The following SMAP1 variants were observed in gnomAD, a reference collection of about 807,000 sequenced individuals.
The protein encoded by SMAP1 is stromal membrane-associated protein 1.
In SMAP1, 24 loss-of-function variants were observed where a neutral mutation model predicts 58.5. The ratio of observed to expected loss-of-function variants is 0.41; its 90% CI spans 0.30 to 0.58. The LOEUF is 0.58. SMAP1 is among the 20% of genes least tolerant of loss of function. The probability of loss-of-function intolerance (pLI) is 0.29; values close to 1 mark genes in which losing one functional copy is unlikely to be tolerated. For synonymous variants in SMAP1, 216 were observed against 196.6 expected, an observed-to-expected ratio of 1.10 and a Z score of -0.82; for missense variants, 563 against 566.3, an observed-to-expected ratio of 0.99 and a Z score of 0.06.
intron 6 of SMAP1, among the ~76,000 whole-genome samples, chr6:70,817,868 T>G (rs889304385): frequency 6.6e-6 from 1 of 152,184 alleles, no homozygotes; most frequent in African/African-American, 2.4e-5. Flanking sequence ...AAATTGAGAA[T>G]TGTCTTTGAA....
chr6:70,784,822 A>G (rs1378285762), intron 4 of SMAP1, among the ~76,000 whole-genome samples: 1 of 152,216 alleles, frequency 6.6e-6, no homozygotes, highest in African/African-American at 2.4e-5. Context: ...AGTGACCTAC[A>G]TAAAGACTTA....
At chr6:70,770,585 G>C (rs1035846338) in intron 3 of SMAP1, among the ~76,000 whole-genome samples, 1 of 152,068 alleles carries the variant, frequency 6.6e-6, no homozygotes, top group Admixed American at 6.5e-5. Context: ...CTCGAGCCTT[G>C]GCTTTCAGCT....
intron 4 of SMAP1, among the ~76,000 whole-genome samples, chr6:70,777,478 G>T (rs1767594590): frequency 6.6e-6 from 1 of 152,068 alleles, no homozygotes; most frequent in South Asian, 2.1e-4. Context: ...CTGTCGAGTT[G>T]TTCGAGTTCC....
intron 2 of SMAP1, among the ~76,000 whole-genome samples, chr6:70,741,770 T>G (rs1765822723): frequency 6.6e-6 from 1 of 152,218 alleles, no homozygotes; most frequent in Non-Finnish European, 1.5e-5. Flanking sequence ...GCCCCACCCC[T>G]GCAACAAACT....
chr6:70,718,087 G>GT (rs571499604), intron 1 of SMAP1, among the ~76,000 whole-genome samples: 3,575 of 150,916 alleles, frequency 0.024, 51 homozygotes, highest in Non-Finnish European at 0.037. Context: ...TTTTTTTGGT[G>GT]TTTTTTTTTC....
At chr6:70,795,640 A>G (rs1415473120) in intron 5 of SMAP1, among the ~76,000 whole-genome samples, 1 of 152,198 alleles carries the variant, frequency 6.6e-6, no homozygotes, top group East Asian at 1.9e-4. Flanking sequence ...TTAGGTTTTA[A>G]CATGTGAATT....
chr6:70,672,119 G>A (rs1766291805), intron 1 of SMAP1, among the ~76,000 whole-genome samples: 1 of 152,224 alleles, frequency 6.6e-6, no homozygotes, highest in Non-Finnish European at 1.5e-5. Context: ...AGGTAAGAGA[G>A]CTAAAAAAAT....
rs540846610 is a variant in SMAP1, at chr6:70,746,799, T to A, written c.253-8181T>A. Among the ~76,000 whole-genome samples, 298 of 152,260 alleles carry A rather than the reference T, an allele frequency of 2.0e-3. 5 individuals carry two copies. Among genetic ancestry groups the A allele is most frequent in the Non-Finnish European group, 9.1e-4 (62 of 68,022 alleles). Reference sequence around the variant, plus strand: ...AGAATTTAGCTGTGAATCCATCTGGTCCTGGATTTTTTTTGGTTGATAGGC... The same window carrying A: ...AGAATTTAGCTGTGAATCCATCTGGACCTGGATTTTTTTTGGTTGATAGGC... On this transcript the variant is annotated intron_variant, in intron 2 of 10. Transcript: ENST00000370455.
At chr6:70,705,398 C>G (rs1349119698) in intron 1 of SMAP1, among the ~76,000 whole-genome samples, 1 of 151,886 alleles carries the variant, frequency 6.6e-6, no homozygotes, top group Non-Finnish European at 1.5e-5. Context: ...ATTACAGGCG[C>G]CTGCCACCAT....
At position 70,764,209 on chromosome 6, in the gene SMAP1, GC is replaced by G. The variant is rs527656254; in HGVS notation, c.339-9139del. ...TTACACATATGAGCCACTGTTCCCA[GC>G]CTGGTTCATGAAGTTTAAGAAAAGA... On this transcript the variant is annotated intron_variant, in intron 3 of 10. Coordinates refer to ENST00000370455, the MANE Select transcript of SMAP1 (RefSeq NM_001044305.3). Among the ~76,000 whole-genome samples, 8 of 151,932 alleles carry G rather than the reference GC, an allele frequency of 5.3e-5. No homozygotes were observed. The East Asian group carries it at 1.5e-3, about 29-fold the overall frequency.
intron 1 of SMAP1, among the ~76,000 whole-genome samples, chr6:70,709,386 T>C (rs1022448724): frequency 1.3e-5 from 2 of 152,174 alleles, no homozygotes; most frequent in African/African-American, 4.8e-5. Flanking sequence ...TTGCCCATGC[T>C]AGAATACAGT....
At chr6:70,803,442 C>G (rs1401905574) in intron 6 of SMAP1, among the ~76,000 whole-genome samples, 1 of 152,074 alleles carries the variant, frequency 6.6e-6, no homozygotes, top group African/African-American at 2.4e-5. Context: ...TTTCAAAAAA[C>G]CACTCCTGGA....
intron 3 of SMAP1, among the ~76,000 whole-genome samples, chr6:70,768,325 G>A (rs1052829523): frequency 2.0e-5 from 3 of 152,182 alleles, no homozygotes; most frequent in African/African-American, 4.8e-5. Flanking sequence ...AGAAGGAATG[G>A]TGCCAGTTCC....
intron 6 of SMAP1, among the ~76,000 whole-genome samples, chr6:70,813,192 GT>G (rs1396579252): frequency 6.6e-6 from 1 of 151,946 alleles, no homozygotes; most frequent in Admixed American, 6.6e-5. Flanking sequence ...ATGGTAATGT[GT>G]TGTACTGGCC....
chr6:70,765,879 A>G (rs1033628538), intron 3 of SMAP1, among the ~76,000 whole-genome samples: 6 of 151,040 alleles, frequency 4.0e-5, no homozygotes, highest in African/African-American at 1.5e-4. Context: ...ATATCTCCTA[A>G]AGCTATCCCT....
intron 6 of SMAP1, among the ~76,000 whole-genome samples, chr6:70,816,177 GAGA>G (rs1446438555): frequency 2.0e-5 from 3 of 152,228 alleles, no homozygotes; most frequent in East Asian, 1.9e-4. Flanking sequence ...AACAGGCAGA[GAGA>G]AGAAGAACAT....
At chr6:70,770,336 CAG>C (rs1767220978) in intron 3 of SMAP1, among the ~76,000 whole-genome samples, 1 of 152,178 alleles carries the variant, frequency 6.6e-6, no homozygotes, top group Non-Finnish European at 1.5e-5. Flanking sequence ...TAATATCCTG[CAG>C]AGTGTTTTCG....
At chr6:70,860,029 G>A (rs1771640057) in intron 10 of SMAP1, 171 bp from the exon 11 acceptor site, 1 of 614,268 alleles carries the variant, frequency 1.6e-6, no homozygotes, top group Non-Finnish European at 2.5e-6. Flanking sequence ...AGATAAAGAA[G>A]GGAACAAAGT....
intron 1 of SMAP1, among the ~76,000 whole-genome samples, chr6:70,708,611 A>G (rs898044018): frequency 6.6e-6 from 1 of 152,094 alleles, no homozygotes; most frequent in Non-Finnish European, 1.5e-5. Flanking sequence ...TTTTCTCTAC[A>G]CCTTTCTAAC....
Sources: gnomAD v4.1 joint callset for allele counts (sites outside exome capture counted in the v4.1 genomes callset) on GRCh38, gnomAD v4.1.1 for gene constraint, MANE v1.5 for transcripts, NCBI Gene and HGNC (gene_info 2026-07-23, HGNC 2026-07-21) for gene names.